Variants in CD82 observed in about 807,000 individuals in gnomAD.
CD82 encodes the protein CD82 antigen.
In CD82, 36 loss-of-function variants were observed where a neutral mutation model predicts 37.4. That is an observed-to-expected ratio of 0.96 (90% CI 0.74 to 1.27). The LOEUF is 1.27. CD82 is among the 50% of genes most tolerant of loss of function. CD82 has a pLI of 0.00. For missense variants in CD82, 340 were observed against 347.0 expected (o/e 0.98, Z 0.16); for synonymous variants, 158 against 137.4 (o/e 1.15, Z -1.05).
rs974099075 is a variant in CD82 at position 44,604,996 on chromosome 11, C to T, written c.137-62C>T. On this transcript the variant is annotated intron_variant, in intron 4 of 9. Coordinates refer to ENST00000227155, the MANE Select transcript of CD82 (RefSeq NM_002231.4). Reference sequence around the variant, plus strand: ...GAGGGGATCCGGAAGAAGACCTGGACGGTTAGGCCAGGTGTTTATACCTGC... The same window carrying T: ...GAGGGGATCCGGAAGAAGACCTGGATGGTTAGGCCAGGTGTTTATACCTGC... 6.8e-6 allele frequency: 11 copies of T among 1,611,702 alleles called. No individual in the cohort carries two copies. The East Asian group carries it at 1.3e-4, about 20-fold the overall frequency.
In CD82 at chr11:44,619,347, A is replaced by G. The variant is rs933220669; in HGVS notation, c.*221A>G. On this transcript the variant is annotated 3_prime_UTR_variant, in exon 10 of 10. Transcript: ENST00000227155. ...TCTGTGGTTCCTCTGCTCACCGCCC[A>G]TCAGGGTTCTCTTAGCAACTCAGAG... 1 of 554,022 alleles carries G rather than the reference A, an allele frequency of 1.8e-6. No homozygotes were observed. The allele number at this position is 554,022 out of a possible 1,614,324, so 34.3% of individuals were successfully genotyped here.
intron 8 of CD82, 101 bp from the exon 9 acceptor site, chr11:44,618,539 G>T (rs1853602909): frequency 8.7e-7 from 1 of 1,147,718 alleles, no homozygotes; most frequent in South Asian, 1.3e-5. Flanking sequence ...AGAGCCCTCT[G>T]TAGGGGCTTC....
intron 3 of CD82, among the ~76,000 whole-genome samples, chr11:44,595,908 CAAAA>C (rs71449886): frequency 6.2e-4 from 43 of 69,658 alleles, no homozygotes; most frequent in South Asian, 1.6e-3. Context: ...TGTTTCTCTA[CAAAA>C]AAAAAAAAAA....
intron 1 of CD82, among the ~76,000 whole-genome samples, chr11:44,569,652 C>T (rs1852787481): frequency 6.6e-6 from 1 of 152,182 alleles, no homozygotes; most frequent in Non-Finnish European, 1.5e-5. Context: ...AACCCCAACA[C>T]AGAGGAGCTG....
intron 1 of CD82, among the ~76,000 whole-genome samples, chr11:44,585,871 GTTC>G (rs1565084125): frequency 6.6e-6 from 1 of 152,234 alleles, no homozygotes; most frequent in Non-Finnish European, 1.5e-5. Flanking sequence ...TGATCTCAAA[GTTC>G]TTCTCATGCA....
At chr11:44,588,870 T>C (rs114538564) in intron 2 of CD82, among the ~76,000 whole-genome samples, 6,798 of 152,302 alleles carry the variant, frequency 0.045, 490 homozygotes, top group African/African-American at 0.15. Context: ...AATTTTATTA[T>C]ACAAACTGAT....
At chr11:44,615,226 C>G (rs373595434) in intron 6 of CD82, 46 bp from the exon 7 acceptor site, 2 of 1,315,972 alleles carry the variant, frequency 1.5e-6, no homozygotes, top group Non-Finnish European at 2.2e-6. Flanking sequence ...CAGGTGGGCA[C>G]GGGTTTCAGG....
intron 1 of CD82, among the ~76,000 whole-genome samples, chr11:44,586,965 A>G (rs1327613097): frequency 6.6e-6 from 1 of 152,208 alleles, no homozygotes; most frequent in Non-Finnish European, 1.5e-5. Context: ...TAGTGAACAA[A>G]TAGGCTAACT....
At chr11:44,587,452 G>C (rs563971586) in intron 1 of CD82, 23 bp from the exon 2 acceptor site, 2 of 456,306 alleles carry the variant, frequency 4.4e-6, no homozygotes, top group Non-Finnish European at 8.8e-6. Flanking sequence ...CAGGAGTGAC[G>C]AGATCTGGGT....
At chr11:44,595,843 G>A (rs1161212442) in intron 3 of CD82, among the ~76,000 whole-genome samples, 1 of 140,626 alleles carries the variant, frequency 7.1e-6, no homozygotes, top group Non-Finnish European at 1.5e-5. Flanking sequence ...GCCAAGGCAG[G>A]AGGATTGTTT....
chr11:44,576,969 A>G (rs553686299), intron 1 of CD82, among the ~76,000 whole-genome samples: 67 of 151,858 alleles, frequency 4.4e-4, no homozygotes, highest in African/African-American at 1.5e-3. Flanking sequence ...AGACGGGAGA[A>G]CTCTTTCTCT....
chr11:44,618,847 C>G, intron 9 of CD82, 124 bp downstream of exon 9: 2 of 880,374 alleles, frequency 2.3e-6, no homozygotes, highest in Non-Finnish European at 3.6e-6. Context: ...CAGAGGCCCT[C>G]TGGTCTGAGC....
intron 4 of CD82, among the ~76,000 whole-genome samples, chr11:44,600,766 A>G (rs1055076456): frequency 1.3e-5 from 2 of 152,182 alleles, no homozygotes; most frequent in African/African-American, 4.8e-5. Context: ...TGCACCGATA[A>G]ACTGTCTTAA....
At chr11:44,613,203 G>A (rs531198244) in intron 6 of CD82, among the ~76,000 whole-genome samples, 3 of 152,126 alleles carry the variant, frequency 2.0e-5, no homozygotes, top group South Asian at 2.1e-4. Flanking sequence ...AGGGTCCCTC[G>A]CCCCCACTGC....
intron 8 of CD82, 104 bp from the exon 9 acceptor site, chr11:44,618,536 T>A: frequency 8.9e-7 from 1 of 1,129,622 alleles, no homozygotes; most frequent in South Asian, 1.3e-5. Context: ...GGCAGAGCCC[T>A]CTGTAGGGGC....
chr11:44,613,367 T>C (rs1853514953), intron 6 of CD82, among the ~76,000 whole-genome samples: 3 of 152,228 alleles, frequency 2.0e-5, no homozygotes, highest in Admixed American at 1.3e-4. Context: ...CAGCGGGCTC[T>C]GGGTTTGCCT....
intron 7 of CD82, 137 bp downstream of exon 7, chr11:44,615,510 TG>T (rs1853551510): frequency 4.6e-6 from 3 of 645,808 alleles, no homozygotes; most frequent in Non-Finnish European, 5.7e-6. Context: ...TGTGCTTCTA[TG>T]GGGGCAGGGC....
chr11:44,609,628 T>A lies in CD82; in HGVS notation c.336+4199T>A, dbSNP rs181731099. ...AATTGTTGGTGCGCACATACCCTCA[T>A]GTGTGAGACACAGGTGGCGAGACGG... On this transcript the variant is annotated intron_variant, in intron 6 of 9. Coordinates refer to ENST00000227155, the MANE Select transcript of CD82 (RefSeq NM_002231.4). Among the ~76,000 whole-genome samples the A allele has an allele frequency of 4.6e-5, 7 of 152,318 alleles. No individual in the cohort carries two copies. In the East Asian group the frequency reaches 1.4e-3, roughly 29 times the overall value.
intron 6 of CD82, chr11:44,606,090 A>G (rs1477227965): frequency 1.3e-5 from 2 of 152,372 alleles, no homozygotes; most frequent in Non-Finnish European, 2.9e-5. Flanking sequence ...GCTTTCCTGC[A>G]TTATGACACT....
Sources: allele counts gnomAD v4.1 joint callset (sites outside exome capture counted in the v4.1 genomes callset), GRCh38; gene constraint gnomAD v4.1.1; transcripts MANE v1.5; gene names NCBI Gene and HGNC (gene_info 2026-07-23, HGNC 2026-07-21).